The following TRANK1 variants were observed in gnomAD, a reference collection of about 807,000 sequenced individuals.
TRANK1 encodes tetratricopeptide repeat and ankyrin repeat containing 1.
TRANK1 carries 198 observed loss-of-function variants against 266.0 expected under a neutral mutation model. The observed-to-expected ratio is 0.74, with a 90% CI of 0.66 to 0.84. The LOEUF is 0.84. Among genes scored for constraint, TRANK1 ranks in the 40% least tolerant of loss-of-function variants. The pLI, the probability that TRANK1 is intolerant of heterozygous loss-of-function variation, is 0.00. For synonymous variants in TRANK1, 1,396 were observed against 1,384.1 expected (o/e 1.01, Z -0.19); for missense variants, 3,326 against 3,634.6 (o/e 0.92, Z 2.18).
rs2078698339 is a variant in TRANK1 at position 36,831,793 on chromosome 3, T to C, written c.7790A>G (p.Gln2597Arg). The C allele has an allele frequency of 6.2e-7, 1 of 1,613,884 alleles. No individual in the cohort carries two copies. The highest frequency in any genetic ancestry group is 1.1e-5 in the South Asian group (1 of 91,084). Residue 2597 changes from glutamine to arginine, a missense_variant, in exon 22 of 24, where the codon CAG becomes CGG. Transcript: ENST00000645898. This position sits in a 1 kb window ranked among gnomAD's most constrained non-coding sequence, Gnocchi z 5.0. The stretch of plus-strand genomic sequence containing the variant: ...GCCAGGGCAGTCCATGCTCATGAGC[T>C]GCAGCCTTGACTCAATCTCCCGGAA... ...RHFREIESRL[Q>R]LMSMDCPGQV... is the part of the protein sequence containing the mutation.
In TRANK1 at chr3:36,831,567, G is replaced by A. The variant is rs774879808; in HGVS notation, c.8016C>T (p.Arg2672=). The A allele has an allele frequency of 6.2e-7, 1 of 1,613,494 alleles. No individual in the cohort carries two copies. Among genetic ancestry groups the A allele is most frequent in the South Asian group, 1.1e-5 (1 of 90,970 alleles). ...GLYYEEVRLN[R]LLCLDPVDYF... is the part of the protein sequence containing the mutation. ...AGTCCACAGGGTCCAAACAGAGCAG[G>A]CGGTTTAGTCTGACCTCCTCATAAT... Residue 2672 remains arginine, a synonymous_variant, in exon 22 of 24, where the codon CGC becomes CGT. Transcript: ENST00000645898. The surrounding 1 kb of genome is among the most constrained non-coding windows in gnomAD (Gnocchi z 5.0).
chr3:36,860,829 AGGCAGGCAGT>A (rs1317673903), intron 11 of TRANK1, 67 bp downstream of exon 11: 80 of 1,500,710 alleles, frequency 5.3e-5, no homozygotes, highest in Non-Finnish European at 6.7e-5. Context: ...AGCAAGGGAA[AGGCAGGCAGT>A]GGCCTGGACT....
intron 8 of TRANK1, among the ~76,000 whole-genome samples, chr3:36,883,472 A>G (rs953570765): frequency 4.6e-5 from 7 of 151,716 alleles, no homozygotes; most frequent in African/African-American, 1.7e-4. Context: ...CAGAGAAAAG[A>G]AAAGAGAAGA....
At chr3:36,842,540 A>T in intron 18 of TRANK1, 82 bp downstream of exon 18, 2 of 1,241,894 alleles carry the variant, frequency 1.6e-6, no homozygotes, top group Non-Finnish European at 2.3e-6. Context: ...TTTCCTGGTG[A>T]CAAACACCAT....
intron 15 of TRANK1, chr3:36,849,969 AC>A (rs1173257285): frequency 2.1e-6 from 2 of 965,184 alleles, no homozygotes; most frequent in African/African-American, 3.5e-5. Context: ...TGGTGGGAGC[AC>A]CGGGTCAAGA....
chr3:36,879,783 T>C (rs1382135609), intron 8 of TRANK1, among the ~76,000 whole-genome samples: 1 of 101,104 alleles, frequency 9.9e-6, no homozygotes, highest in African/African-American at 4.9e-5. Context: ...TATATATAAA[T>C]ATGTAAATAT....
chr3:36,921,311 C>T (rs772690939), intron 1 of TRANK1, among the ~76,000 whole-genome samples: 1 of 152,238 alleles, frequency 6.6e-6, no homozygotes, highest in African/African-American at 2.4e-5. Context: ...CTTCCCCTCC[C>T]CTGTCCAGGT....
At chr3:36,838,302 G>A (rs1034292411) in intron 20 of TRANK1, 70 bp downstream of exon 20, 109 of 1,583,332 alleles carry the variant, frequency 6.9e-5, no homozygotes, top group Non-Finnish European at 9.0e-5. Flanking sequence ...AGTAGAGGTC[G>A]AGCCTACCCC....
At chr3:36,840,106 G>A (rs1575185165) in intron 18 of TRANK1, among the ~76,000 whole-genome samples, 1 of 152,094 alleles carries the variant, frequency 6.6e-6, no homozygotes, top group East Asian at 1.9e-4. Flanking sequence ...CAACACATAT[G>A]GGTAACAGCA....
In TRANK1 at chr3:36,831,115, T is replaced by C. The variant is rs773172439; in HGVS notation, c.8468A>G (p.His2823Arg). ...RNSESYEQHI[H>R]LEHHQRQQVA... ...TTGCTGCCTCTGGTGGTGTTCTAGATGGATATGCTGCTCGTAAGACTCGCT... is the reference window on the plus strand; with the variant it reads ...TTGCTGCCTCTGGTGGTGTTCTAGACGGATATGCTGCTCGTAAGACTCGCT... Residue 2823 changes from histidine (H) to arginine (R), a missense_variant, in exon 22 of 24, where the codon CAT (histidine) becomes CGT (arginine). His to Arg is a conservative substitution (Grantham distance 29, BLOSUM62 0). Transcript: ENST00000645898. This position sits in a 1 kb window ranked among gnomAD's most constrained non-coding sequence, Gnocchi z 5.0. 6 of 1,613,998 alleles carry C rather than the reference T, an allele frequency of 3.7e-6. No individual in the cohort carries two copies. The highest frequency in any genetic ancestry group is 4.2e-6 in the Non-Finnish European group (5 of 1,179,876).
chr3:36,840,233 C>CAA (rs755362525), intron 18 of TRANK1, among the ~76,000 whole-genome samples: 16 of 131,846 alleles, frequency 1.2e-4, no homozygotes, highest in East Asian at 2.2e-4. Context: ...CCTGCCCCAC[C>CAA]AAAAAAAAAA....
At position 36,899,243 on chromosome 3, in the gene TRANK1, C is replaced by T. The variant is rs927299482; in HGVS notation, c.299G>A (p.Gly100Asp). ...PTYVKGYYRA[G>D]YSLLRLHQPY... ...CTGGTGCAACCTCAGCAAGGAATAA[C>T]CAGCTCGGTAGTATCCCTGGAACAG... is the stretch of plus-strand genomic sequence containing the variant. Residue 100 changes from glycine (G) to aspartate (D), a missense_variant, in exon 4 of 24, where the codon GGT (glycine) becomes GAT (aspartate). Coordinates refer to ENST00000645898, the MANE Select transcript of TRANK1 (RefSeq NM_001329998.2). 8.5e-6 allele frequency: 13 copies of T among 1,537,156 alleles called. No individual in the cohort carries two copies. The African/African-American group carries it at 1.4e-4, about 16-fold the overall frequency.
chr3:36,851,017 T>C lies in TRANK1; in HGVS notation c.4887+702A>G, dbSNP rs945888429. The C allele has an allele frequency of 8.1e-6, 8 of 985,474 alleles. No individual in the cohort carries two copies. In the Admixed American group the frequency reaches 2.5e-4, roughly 30 times the overall value. 61.0% of individuals were successfully genotyped at this position (985,474 alleles called of 1,614,324 possible). A position where few individuals can be genotyped will look rare whatever the true frequency, so the allele number is the denominator to read the frequency against. On this transcript the variant is annotated intron_variant, in intron 15 of 23. Transcript: ENST00000645898. ...AAAGATAGTGGGAAAGAGAAAACAG[T>C]GGCTAGAAAACCCAGGACAACGGCT...
chr3:36,907,957 C>T (rs954270423), intron 2 of TRANK1, among the ~76,000 whole-genome samples: 1 of 152,146 alleles, frequency 6.6e-6, no homozygotes, highest in Non-Finnish European at 1.5e-5. Context: ...GAAAGTGAAC[C>T]TTAGTGCCCG....
chr3:36,842,503 G>A (rs555271342), intron 18 of TRANK1, 119 bp downstream of exon 18: 14 of 836,912 alleles, frequency 1.7e-5, no homozygotes, highest in African/African-American at 3.4e-5. Flanking sequence ...TTCAGAACAC[G>A]TGGCACAAGC....
intron 9 of TRANK1, among the ~76,000 whole-genome samples, chr3:36,867,068 TG>T: frequency 6.6e-6 from 1 of 152,294 alleles, no homozygotes; most frequent in South Asian, 2.1e-4. Context: ...TCACCCTGGC[TG>T]GAAGCTCACT....
At chr3:36,846,186 T>C (rs1277078347) in intron 17 of TRANK1, 62 bp downstream of exon 17, 1 of 1,449,116 alleles carries the variant, frequency 6.9e-7, no homozygotes, top group East Asian at 2.5e-5. Flanking sequence ...TTCCTGACCA[T>C]AAGAACAGTT....
At chr3:36,878,607 C>G (rs928600986) in intron 8 of TRANK1, among the ~76,000 whole-genome samples, 3 of 152,064 alleles carry the variant, frequency 2.0e-5, no homozygotes, top group African/African-American at 7.2e-5. Flanking sequence ...CTAGGGCCTA[C>G]TTGAGGATGG....
chr3:36,836,195 T>C (rs1575180744), intron 20 of TRANK1, among the ~76,000 whole-genome samples: 1 of 152,218 alleles, frequency 6.6e-6, no homozygotes, highest in African/African-American at 2.4e-5. Flanking sequence ...CTGTACTTAG[T>C]GAAGTGAAGC....
Sources: allele counts gnomAD v4.1 joint callset (sites outside exome capture counted in the v4.1 genomes callset), GRCh38; gene constraint gnomAD v4.1.1; non-coding constraint Gnocchi (gnomAD v3.1); transcripts MANE v1.5; gene names NCBI Gene and HGNC (gene_info 2026-07-23, HGNC 2026-07-21).